EMB: variants seen among roughly 807,000 people sequenced by gnomAD.
EMB encodes the protein embigin.
Under a neutral mutation model 41.4 loss-of-function variants are expected in EMB, and 31 were observed. The ratio of observed to expected loss-of-function variants is 0.75; its 90% confidence interval spans 0.56 to 1.01. The LOEUF (loss-of-function observed/expected upper bound fraction) is 1.01. EMB is among the 50% of genes least tolerant of loss of function. The pLI, the probability that EMB is intolerant of heterozygous loss-of-function variation, is 0.00. For missense variants in EMB, 379 were observed against 388.3 expected (o/e 0.98, Z 0.20); for synonymous variants, 137 against 140.4 (o/e 0.98, Z 0.17).
At chr5:50,401,949 G>A (rs1235919335) in intron 7 of EMB, among the ~76,000 whole-genome samples, 13 of 151,878 alleles carry the variant, frequency 8.6e-5, no homozygotes, top group African/African-American at 2.9e-4. Flanking sequence ...AATACTTCCT[G>A]ATGGTTACTG....
chr5:50,429,958 C>A (rs1338224142), intron 1 of EMB, among the ~76,000 whole-genome samples: 3 of 147,298 alleles, frequency 2.0e-5, no homozygotes, highest in Admixed American at 1.4e-4. Flanking sequence ...CTCACCCTCC[C>A]CAACTCTCTT....
In EMB at chr5:50,398,604, G is replaced by C. The variant is rs1745109090; in HGVS notation, c.*669C>G. 1 of 152,076 alleles carries C rather than the reference G, an allele frequency of 6.6e-6. No individual in the cohort carries two copies. The highest frequency in any genetic ancestry group is 1.5e-5 in the Non-Finnish European group (1 of 67,986). The allele number at this position is 152,076 out of a possible 1,614,324, so 9.4% of individuals were successfully genotyped here. A position where few individuals can be genotyped will look rare whatever the true frequency, so the allele number is the denominator to read the frequency against. On this transcript the variant is annotated 3_prime_UTR_variant, in exon 9 of 9. Transcript: ENST00000303221. ...GCACTTTAGCCTGGTGGGGAAAGCA[G>C]TGGTTATGAGTGGAATAAAGACTGG... is the stretch of plus-strand genomic sequence containing the variant.
intron 1 of EMB, chr5:50,428,728 A>C (rs1745664593): frequency 1.0e-6 from 1 of 985,336 alleles, no homozygotes; most frequent in Non-Finnish European, 1.2e-6. Context: ...TTTGTTTTCT[A>C]GCTACGGTTA....
chr5:50,410,413 G>A (rs1403013864), intron 4 of EMB, among the ~76,000 whole-genome samples: 1 of 152,056 alleles, frequency 6.6e-6, no homozygotes, highest in Non-Finnish European at 1.5e-5. Flanking sequence ...CTTACTTGGT[G>A]AGATAAAAAG....
rs1157014382 is a variant in EMB, at chr5:50,397,143, C to T, written c.*2130G>A. ...ATATAAACTTGGAGTAGTTTTCCTA[C>T]TTCAACTTTTATGCGGCTTATTATT... On this transcript the variant is annotated 3_prime_UTR_variant, in exon 9 of 9. Transcript: ENST00000303221. 1 of 152,066 alleles carries T rather than the reference C, an allele frequency of 6.6e-6. No homozygotes were observed. The highest frequency in any genetic ancestry group is 1.5e-5 in the Non-Finnish European group (1 of 68,000). The allele number at this position is 152,066 out of a possible 1,614,324, so 9.4% of individuals were successfully genotyped here. A position where few individuals can be genotyped will look rare whatever the true frequency, so the allele number is the denominator to read the frequency against.
chr5:50,419,532 T>TATATACAC (rs1745480997), intron 2 of EMB, among the ~76,000 whole-genome samples: 1 of 139,170 alleles, frequency 7.2e-6, no homozygotes, highest in Non-Finnish European at 1.5e-5. Context: ...GAACCCCCAC[T>TATATACAC]ACATACACAC....
At chr5:50,425,739 A>C (rs200533844) in intron 2 of EMB, among the ~76,000 whole-genome samples, 2 of 64,138 alleles carry the variant, frequency 3.1e-5, no homozygotes, top group South Asian at 4.9e-4. Flanking sequence ...GGACTCTTGC[A>C]GTGGCACAAT....
chr5:50,405,960 G>A, intron 4 of EMB, 108 bp from the exon 5 acceptor site: 2 of 1,412,220 alleles, frequency 1.4e-6, no homozygotes, highest in Non-Finnish European at 1.9e-6. Flanking sequence ...ATTATTTTAA[G>A]TACTTTCAGT....
intron 1 of EMB, among the ~76,000 whole-genome samples, chr5:50,433,802 T>C (rs1190682348): frequency 2.0e-5 from 3 of 152,022 alleles, no homozygotes; most frequent in African/African-American, 7.3e-5. Flanking sequence ...AGGCCAGGAG[T>C]CTGAAATCAA....
intron 1 of EMB, among the ~76,000 whole-genome samples, chr5:50,436,249 C>T (rs1431535894): frequency 5.3e-5 from 8 of 152,078 alleles, no homozygotes; most frequent in Non-Finnish European, 2.9e-5. Flanking sequence ...AAGCTATATA[C>T]CTATATAGAC....
chr5:50,412,444 T>C (rs1275670485), intron 2 of EMB, among the ~76,000 whole-genome samples: 3 of 152,188 alleles, frequency 2.0e-5, no homozygotes, highest in Admixed American at 2.0e-4. Flanking sequence ...ATAGGGAGAA[T>C]GGAGTCATCA....
chr5:50,405,580 C>A, intron 5 of EMB, 145 bp downstream of exon 5: 8 of 1,203,330 alleles, frequency 6.6e-6, no homozygotes, highest in Non-Finnish European at 8.7e-6. Context: ...TTTGTCACTG[C>A]TCTTTCTTTA....
intron 1 of EMB, among the ~76,000 whole-genome samples, chr5:50,433,341 C>CT (rs966941345): frequency 2.7e-4 from 34 of 125,654 alleles, no homozygotes; most frequent in African/African-American, 1.1e-3. Flanking sequence ...AAATAGATCT[C>CT]TTTAAAAAAA....
At chr5:50,419,321 A>C (rs1008594527) in intron 2 of EMB, among the ~76,000 whole-genome samples, 1 of 152,184 alleles carries the variant, frequency 6.6e-6, no homozygotes, top group African/African-American at 2.4e-5. Flanking sequence ...ACCTTGATAA[A>C]AAGCTTTCAT....
At chr5:50,427,596 A>C (rs1745641304) in intron 2 of EMB, among the ~76,000 whole-genome samples, 1 of 151,530 alleles carries the variant, frequency 6.6e-6, no homozygotes, top group Admixed American at 6.6e-5. Flanking sequence ...GAAACCTCCA[A>C]CTCCTGGGTT....
intron 4 of EMB, among the ~76,000 whole-genome samples, chr5:50,406,197 C>T (rs1272462489): frequency 6.6e-6 from 1 of 151,614 alleles, no homozygotes; most frequent in Admixed American, 6.6e-5. Flanking sequence ...ACTAAGTTAC[C>T]TTAGAGTAAT....
At position 50,403,262 on chromosome 5, in the gene EMB, G is replaced by A; in HGVS notation, c.793C>T (p.Leu265Phe). The change falls in exon 6 of 9, where the codon CTT (leucine) becomes TTT (phenylalanine). Residue 265 changes from leucine (L) to phenylalanine (F), a missense_variant. Leu to Phe is a conservative substitution (Grantham distance 22). Coordinates refer to ENST00000303221, the MANE Select transcript of EMB (RefSeq NM_198449.3). Reference sequence around the variant, plus strand: ...AGAATCACCTCAGCCACTATTACAAGAAATGGTTTGAGGGGCACCAAATAG... The same window carrying A: ...AGAATCACCTCAGCCACTATTACAAAAAATGGTTTGAGGGGCACCAAATAG... Reference protein sequence around the residue: ...LSYLVPLKPFLVIVAEVILLV... With the variant: ...LSYLVPLKPFFVIVAEVILLV... 6.2e-7 allele frequency: 1 copy of A among 1,612,494 alleles called. No individual in the cohort carries two copies. The highest frequency in any genetic ancestry group is 1.7e-5 in the Admixed American group (1 of 59,792).
chr5:50,433,721 T>C (rs184480594), intron 1 of EMB, among the ~76,000 whole-genome samples: 5 of 152,302 alleles, frequency 3.3e-5, no homozygotes, highest in East Asian at 1.9e-4. Flanking sequence ...TTACCACAAA[T>C]TAGGTGTCAT....
intron 2 of EMB, among the ~76,000 whole-genome samples, chr5:50,421,732 C>A (rs1486710807): frequency 3.9e-5 from 6 of 152,092 alleles, no homozygotes; most frequent in African/African-American, 4.8e-5. Context: ...AGGATGAGTT[C>A]ATGTCCTTTG....
Sources: gnomAD v4.1 joint callset for allele counts (sites outside exome capture counted in the v4.1 genomes callset) on GRCh38, gnomAD v4.1.1 for gene constraint, MANE v1.5 for transcripts, NCBI Gene and HGNC (gene_info 2026-07-23, HGNC 2026-07-21) for gene names.